The following PPIP5K2 variants were observed in gnomAD, a reference collection of about 807,000 sequenced individuals.
The protein encoded by PPIP5K2 is diphosphoinositol pentakisphosphate kinase 2.
PPIP5K2 carries 105 observed loss-of-function variants against 154.6 expected under a neutral mutation model. That is an observed-to-expected ratio of 0.68 (90% CI 0.58 to 0.80). The LOEUF is 0.80. Ranked by LOEUF, PPIP5K2 falls within the 30% of genes least tolerant of loss-of-function variation. PPIP5K2 has a pLI of 0.00. For missense variants in PPIP5K2, 992 were observed against 1,504.6 expected (o/e 0.66, Z 5.64); for synonymous variants, 480 against 490.3 (o/e 0.98, Z 0.28).
intron 24 of PPIP5K2, among the ~76,000 whole-genome samples, chr5:103,180,992 A>G (rs538396673): frequency 7.5e-4 from 114 of 152,240 alleles, no homozygotes; most frequent in African/African-American, 2.7e-3. Context: ...GTTTGATAAT[A>G]TAATAAAAAA....
At position 103,168,140 on chromosome 5, in the gene PPIP5K2, T is replaced by A; in HGVS notation, c.2131T>A (p.Phe711Ile). Residue 711 changes from phenylalanine to isoleucine, a missense_variant, in exon 19 of 31, where the codon TTT becomes ATT. By Grantham distance (21) the Phe-to-Ile change is conservative (BLOSUM62 0). This residue lies in a region of PPIP5K2 where 157 missense variants were observed against 281.2 expected (regional missense o/e 0.56). Coordinates refer to ENST00000358359, the MANE Select transcript of PPIP5K2 (RefSeq NM_001276277.3). Reference protein sequence around the residue: ...LRRWSKLEKDFKTKNGRYDIS... With the variant: ...LRRWSKLEKDIKTKNGRYDIS... ...TAGATGGTCCAAGTTAGAGAAAGACTTTAAAACAAAGAATGGAAGATATGA... is the reference window on the plus strand; with the variant it reads ...TAGATGGTCCAAGTTAGAGAAAGACATTAAAACAAAGAATGGAAGATATGA... 6.2e-7 allele frequency: 1 copy of A among 1,610,614 alleles called. No homozygotes were observed. The highest frequency in any genetic ancestry group is 8.5e-7 in the Non-Finnish European group (1 of 1,177,608).
At chr5:103,160,703 G>T (rs914866881) in intron 17 of PPIP5K2, among the ~76,000 whole-genome samples, 2 of 152,124 alleles carry the variant, frequency 1.3e-5, no homozygotes, top group African/African-American at 4.8e-5. Flanking sequence ...CATTTGACCT[G>T]CAGGCTATAG....
rs782479537 is a variant in PPIP5K2 at position 103,173,946 on chromosome 5, A to G, written c.2503A>G (p.Ile835Val). The change falls in exon 21 of 31, where the codon ATT (isoleucine) becomes GTT (valine). Residue 835 changes from isoleucine (I) to valine (V), a missense_variant. Ile to Val is a conservative substitution (Grantham distance 29). Transcript: ENST00000358359. ...AAGTCATGTACATTCTTTGCTGTCT[A>G]TTCTTCGCTATGGTGCCTTATGCAA... ...SESHVHSLLSILRYGALCNES... is the reference protein window; with the variant it reads ...SESHVHSLLSVLRYGALCNES... 17 of 1,599,292 alleles carry G rather than the reference A, an allele frequency of 1.1e-5. 1 individual carries two copies. The highest frequency in any genetic ancestry group is 8.8e-5 in the South Asian group (8 of 90,610).
chr5:103,131,628 GA>G (rs1790635016), intron 2 of PPIP5K2, among the ~76,000 whole-genome samples: 1 of 152,088 alleles, frequency 6.6e-6, no homozygotes, highest in Admixed American at 6.5e-5. Context: ...TCACTTTACA[GA>G]AGCTTGATTT....
At chr5:103,157,623 C>G (rs545066723) in intron 14 of PPIP5K2, among the ~76,000 whole-genome samples, 1 of 150,998 alleles carries the variant, frequency 6.6e-6, no homozygotes, top group South Asian at 2.1e-4. Flanking sequence ...ACTAAAAATA[C>G]AAAAATTAGC....
intron 4 of PPIP5K2, 78 bp downstream of exon 4, chr5:103,136,900 C>A: frequency 9.8e-7 from 1 of 1,015,790 alleles, no homozygotes; most frequent in Non-Finnish European, 1.5e-6. Context: ...GACATGGCAT[C>A]AGGTGTTTTT....
intron 19 of PPIP5K2, among the ~76,000 whole-genome samples, chr5:103,172,149 T>C (rs1038842504): frequency 1.1e-4 from 16 of 151,712 alleles, no homozygotes; most frequent in Non-Finnish European, 2.2e-4. Context: ...TCCCTGATGA[T>C]TTTTTAATTC....
At chr5:103,129,816 T>A in intron 2 of PPIP5K2, 113 bp downstream of exon 2, 1 of 1,312,894 alleles carries the variant, frequency 7.6e-7, no homozygotes, top group Non-Finnish European at 9.9e-7. Flanking sequence ...AAGTATATTT[T>A]GTTTCATGAC....
chr5:103,161,121 C>T (rs1362634804), intron 17 of PPIP5K2, among the ~76,000 whole-genome samples: 1 of 150,774 alleles, frequency 6.6e-6, no homozygotes, highest in African/African-American at 2.4e-5. Flanking sequence ...CCCCCACCCC[C>T]ACAACAGGCC....
At chr5:103,187,906 A>T (rs1400455615) in intron 28 of PPIP5K2, among the ~76,000 whole-genome samples, 1 of 152,124 alleles carries the variant, frequency 6.6e-6, no homozygotes, top group Non-Finnish European at 1.5e-5. Context: ...TTCTAAAGCA[A>T]AACCCTGTTC....
At chr5:103,136,392 C>T (rs1791503449) in intron 3 of PPIP5K2, among the ~76,000 whole-genome samples, 1 of 152,154 alleles carries the variant, frequency 6.6e-6, no homozygotes, top group African/African-American at 2.4e-5. Flanking sequence ...CCAGGTGATT[C>T]TGATACACCC....
chr5:103,165,969 G>C (rs948284091), intron 17 of PPIP5K2, among the ~76,000 whole-genome samples: 12 of 152,060 alleles, frequency 7.9e-5, no homozygotes, highest in Admixed American at 2.6e-4. Context: ...GCTATAGACA[G>C]TAGCAGAGCT....
Position 103,159,328 on chromosome 5 carries a change from G to C in PPIP5K2, c.1920G>C (p.Lys640Asn). 1 of 1,601,574 alleles carries C rather than the reference G, an allele frequency of 6.2e-7. No homozygotes were observed. The highest frequency in any genetic ancestry group is 1.1e-5 in the South Asian group (1 of 88,978). The change falls in exon 17 of 31, where the codon AAG (lysine) becomes AAC (asparagine). Residue 640 changes from lysine (K) to asparagine (N), a missense_variant and splice_region_variant. By Grantham distance (94) the Lys-to-Asn change is moderately conservative. Coordinates refer to ENST00000358359, the MANE Select transcript of PPIP5K2 (RefSeq NM_001276277.3). The part of the protein sequence containing the change: ...DRDFTAEDYE[K>N]LTPSGSISLI... The stretch of plus-strand genomic sequence containing the variant: ...ATTTTACTGCTGAAGATTATGAAAA[G>C]GTGGGTCTTAGCAAACTCTTATATT...
chr5:103,164,779 T>G (rs1438937763), intron 17 of PPIP5K2, among the ~76,000 whole-genome samples: 1 of 152,132 alleles, frequency 6.6e-6, no homozygotes, highest in Non-Finnish European at 1.5e-5. Flanking sequence ...CACTTGACAT[T>G]TTTTATATTG....
chr5:103,193,317 TAC>T (rs1801556188), intron 29 of PPIP5K2, among the ~76,000 whole-genome samples: 1 of 152,092 alleles, frequency 6.6e-6, no homozygotes, highest in Non-Finnish European at 1.5e-5. Context: ...TTATATTATT[TAC>T]AGTTAGTTCC....
chr5:103,154,015 C>T (rs1795030437), intron 11 of PPIP5K2, 81 bp downstream of exon 11: 3 of 1,045,562 alleles, frequency 2.9e-6, no homozygotes, highest in Middle Eastern at 2.3e-4. Context: ...TTGATTAATA[C>T]ATCATATAGA....
intron 5 of PPIP5K2, among the ~76,000 whole-genome samples, chr5:103,143,367 G>T (rs1793167322): frequency 6.6e-6 from 1 of 152,074 alleles, no homozygotes; most frequent in African/African-American, 2.4e-5. Flanking sequence ...ATTATTTTTT[G>T]TAGAGACAGG....
At chr5:103,176,234 G>A (rs1204272240) in intron 21 of PPIP5K2, among the ~76,000 whole-genome samples, 7 of 151,874 alleles carry the variant, frequency 4.6e-5, no homozygotes, top group Admixed American at 2.6e-4. Context: ...AGAAGACCTA[G>A]CAAAATCTAT....
intron 5 of PPIP5K2, among the ~76,000 whole-genome samples, chr5:103,140,443 C>A (rs551917225): frequency 3.3e-4 from 50 of 152,318 alleles, no homozygotes; most frequent in African/African-American, 1.1e-3. Context: ...AGCTCTGATA[C>A]AACTGGCAGC....
Sources: gnomAD v4.1 joint callset for allele counts (sites outside exome capture counted in the v4.1 genomes callset) on GRCh38, gnomAD v4.1.1 for gene constraint, gnomAD v4.1.1 regional missense constraint, MANE v1.5 for transcripts, NCBI Gene and HGNC (gene_info 2026-07-23, HGNC 2026-07-21) for gene names.